PREX1: variants seen among roughly 807,000 people sequenced by gnomAD.
PREX1 encodes the protein phosphatidylinositol-3,4,5-trisphosphate dependent Rac exchange factor 1.
In PREX1, 41 loss-of-function variants were observed where a neutral mutation model predicts 198.3. The observed-to-expected ratio is 0.21, with a 90% confidence interval of 0.16 to 0.27. The LOEUF (loss-of-function observed/expected upper bound fraction) is 0.27, where lower values mean the gene tolerates loss of function less well. Among genes scored for constraint, PREX1 ranks in the 10% least tolerant of loss-of-function variants. The probability of loss-of-function intolerance (pLI) is 1.00; values close to 1 mark genes in which losing one functional copy is unlikely to be tolerated. For synonymous variants in PREX1, 843 were observed against 887.2 expected (o/e 0.95, Z 0.89); for missense variants, 1,620 against 2,200.7 (o/e 0.74, Z 5.28).
At chr20:48,659,867 G>A (rs932070228) in intron 16 of PREX1, 52 bp downstream of exon 16, 1 of 1,610,368 alleles carries the variant, frequency 6.2e-7, no homozygotes, top group African/African-American at 1.3e-5. Context: ...CAGCTCCCAT[G>A]CCTGCAGGGG....
At chr20:48,697,284 C>T (rs954567545) in intron 7 of PREX1, among the ~76,000 whole-genome samples, 2 of 152,104 alleles carry the variant, frequency 1.3e-5, no homozygotes, top group African/African-American at 4.8e-5. Flanking sequence ...TACTTTTATC[C>T]CCATATAACA....
intron 5 of PREX1, among the ~76,000 whole-genome samples, chr20:48,720,896 G>C (rs1438347402): frequency 6.6e-6 from 1 of 152,134 alleles, no homozygotes; most frequent in Admixed American, 6.5e-5. Context: ...AGACATGGGA[G>C]GTGCAGGAGA....
At chr20:48,862,786 A>T in the PREX1 span, among the ~76,000 whole-genome samples, 6 of 52,386 alleles carry the variant, frequency 1.1e-4, no homozygotes, top group African/African-American at 7.2e-4. Flanking sequence ...AGCCTAAAAA[A>T]AAAAATATAT....
Position 48,655,388 on chromosome 20 carries a change from G to C in PREX1, c.2124-13C>G, listed in dbSNP as rs1327884051. Reference sequence around the variant, plus strand: ...GATTTTGATGATCCTGCACCAGGTAGAAGAGGCAGGGAAAAAGGCCATGAG... The same window carrying C: ...GATTTTGATGATCCTGCACCAGGTACAAGAGGCAGGGAAAAAGGCCATGAG... On this transcript the variant is annotated splice_polypyrimidine_tract_variant and intron_variant, in intron 18 of 39. Transcript: ENST00000371941. 1 of 1,518,714 alleles carries C rather than the reference G, an allele frequency of 6.6e-7. No individual in the cohort carries two copies. Among genetic ancestry groups the C allele is most frequent in the East Asian group, 2.4e-5 (1 of 41,226 alleles). The allele number at this position is 1,518,714 out of a possible 1,614,324, so 94.1% of individuals were successfully genotyped here. A position where few individuals can be genotyped will look rare whatever the true frequency, so the allele number is the denominator to read the frequency against.
At chr20:48,863,228 CA>C in the PREX1 span, among the ~76,000 whole-genome samples, 2 of 152,158 alleles carry the variant, frequency 1.3e-5, no homozygotes. Flanking sequence ...TACTTTTCCC[CA>C]TTATTAACAC....
chr20:48,701,020 T>G (rs1352204502), intron 6 of PREX1, 134 bp from the exon 7 acceptor site: 2 of 1,220,234 alleles, frequency 1.6e-6, no homozygotes, highest in African/African-American at 3.0e-5. Context: ...GGACAGAAAA[T>G]CAACACAACG....
intron 1 of PREX1, among the ~76,000 whole-genome samples, chr20:48,810,237 C>T (rs954241241): frequency 6.6e-6 from 1 of 151,934 alleles, no homozygotes; most frequent in Non-Finnish European, 1.5e-5. Flanking sequence ...CCATCTGATA[C>T]ACGCAAGGGT....
At chr20:48,778,425 CAAA>C (rs35297652) in intron 1 of PREX1, among the ~76,000 whole-genome samples, 2 of 117,520 alleles carry the variant, frequency 1.7e-5, no homozygotes. Context: ...AGTCAAAAAT[CAAA>C]AAAAAAAAAA....
At chr20:48,860,330 T>A in the PREX1 span, among the ~76,000 whole-genome samples, 17 of 152,178 alleles carry the variant, frequency 1.1e-4, no homozygotes, top group Admixed American at 7.8e-4. Context: ...GTAGTCAAAA[T>A]CATAGAGACA....
In PREX1 at chr20:48,655,330, A is replaced by T. The variant is rs144910943; in HGVS notation, c.2169T>A (p.Ile723=). ...PDQPDTLCFQ[I]RGAAPPYVYA... is the part of the protein sequence containing the mutation. The stretch of plus-strand genomic sequence containing the variant: ...AGACGTACGGTGGGGCAGCTCCACG[A>T]ATCTGGAAGCACAGTGTGTCCGGCT... The change falls in exon 19 of 40, where the codon ATT becomes ATA. Residue 723 remains isoleucine (I), a synonymous_variant. Coordinates refer to ENST00000371941, the MANE Select transcript of PREX1 (RefSeq NM_020820.4). 5.6e-6 allele frequency: 9 copies of T among 1,600,734 alleles called. No homozygotes were observed. Among genetic ancestry groups the T allele is most frequent in the Non-Finnish European group, 7.7e-6 (9 of 1,171,726 alleles).
intron 15 of PREX1, among the ~76,000 whole-genome samples, chr20:48,662,344 C>T (rs948700535): frequency 1.3e-5 from 2 of 152,236 alleles, no homozygotes; most frequent in African/African-American, 2.4e-5. Context: ...CTCAAGTCCA[C>T]GAGCTCAGCC....
chr20:48,818,188 G>A (rs952781313), intron 1 of PREX1, among the ~76,000 whole-genome samples: 5 of 152,178 alleles, frequency 3.3e-5, no homozygotes, highest in African/African-American at 4.8e-5. Context: ...AGGCAAATGC[G>A]CTTGGAGGAA....
At chr20:48,657,682 C>G (rs2089555986) in intron 17 of PREX1, among the ~76,000 whole-genome samples, 1 of 152,180 alleles carries the variant, frequency 6.6e-6, no homozygotes, top group South Asian at 2.1e-4. Context: ...GCCAGCACGG[C>G]AGGTGCATCT....
chr20:48,840,339 CAAAA>C, the PREX1 span, among the ~76,000 whole-genome samples: 2 of 111,628 alleles, frequency 1.8e-5, no homozygotes, highest in Non-Finnish European at 3.8e-5. Context: ...TAACCTTAAC[CAAAA>C]AAAAAAAAAA....
chr20:48,861,259 C>G, the PREX1 span, among the ~76,000 whole-genome samples: 11 of 152,258 alleles, frequency 7.2e-5, no homozygotes, highest in African/African-American at 2.6e-4. Flanking sequence ...CTTTGGGGAA[C>G]CTTAAACAAT....
At chr20:48,882,046 T>C in the PREX1 span, among the ~76,000 whole-genome samples, 67 of 152,234 alleles carry the variant, frequency 4.4e-4, no homozygotes, top group African/African-American at 1.5e-3. Context: ...CTTAACATGA[T>C]GTCTTCAAGC....
At chr20:48,786,219 G>T (rs1601135224) in intron 1 of PREX1, among the ~76,000 whole-genome samples, 1 of 152,092 alleles carries the variant, frequency 6.6e-6, no homozygotes, top group African/African-American at 2.4e-5. Context: ...GGGGCGGGGG[G>T]TGGTAAGCAG....
chr20:48,627,147 C>T (rs1175658198), intron 39 of PREX1, among the ~76,000 whole-genome samples: 1 of 150,054 alleles, frequency 6.7e-6, no homozygotes, highest in Non-Finnish European at 1.5e-5. Flanking sequence ...TCACAGAATT[C>T]TTAATTCCAC....
At chr20:48,662,642 G>C (rs928526641) in intron 15 of PREX1, among the ~76,000 whole-genome samples, 1 of 152,228 alleles carries the variant, frequency 6.6e-6, no homozygotes, top group Admixed American at 6.5e-5. Context: ...TGCAGGCTCA[G>C]TTTGGCCCCA....
Sources: allele counts gnomAD v4.1 joint callset (sites outside exome capture counted in the v4.1 genomes callset), GRCh38; gene constraint gnomAD v4.1.1; transcripts MANE v1.5; gene names NCBI Gene and HGNC (gene_info 2026-07-23, HGNC 2026-07-21).